Variants in MCM6 observed in about 807,000 individuals in gnomAD.
The protein encoded by MCM6 is DNA replication licensing factor MCM6.
MCM6 carries 46 observed loss-of-function variants against 94.3 expected under a neutral mutation model. The ratio of observed to expected loss-of-function variants is 0.49; its 90% CI spans 0.39 to 0.62. The LOEUF is 0.62. Ranked by LOEUF, MCM6 falls within the 20% of genes least tolerant of loss-of-function variation. The probability of loss-of-function intolerance (pLI) is 0.00; values close to 1 mark genes in which losing one functional copy is unlikely to be tolerated. For missense variants in MCM6, 865 were observed against 1,017.9 expected (o/e 0.85, Z 2.04); for synonymous variants, 335 against 351.9 (o/e 0.95, Z 0.54).
At chr2:135,850,961 T>C (rs1679770191) in intron 13 of MCM6, among the ~76,000 whole-genome samples, 1 of 152,210 alleles carries the variant, frequency 6.6e-6, no homozygotes, top group African/African-American at 2.4e-5. Flanking sequence ...ACTCCCCTTT[T>C]ACCTCGTTAA....
chr2:135,850,439 G>T (rs888442954), intron 13 of MCM6, among the ~76,000 whole-genome samples: 1 of 151,970 alleles, frequency 6.6e-6, no homozygotes, highest in Non-Finnish European at 1.5e-5. Flanking sequence ...TACATGTCTC[G>T]TTCCCACCAG....
intron 8 of MCM6, among the ~76,000 whole-genome samples, chr2:135,861,040 G>T (rs1052712643): frequency 1.3e-5 from 2 of 151,894 alleles, no homozygotes; most frequent in Non-Finnish European, 2.9e-5. Flanking sequence ...TCTTTTTGAG[G>T]GGGGAGAAAG....
intron 16 of MCM6, among the ~76,000 whole-genome samples, chr2:135,843,688 C>T (rs1679619014): frequency 6.8e-6 from 1 of 147,996 alleles, no homozygotes; most frequent in Admixed American, 6.8e-5. Context: ...GTGAGCTATG[C>T]CACTGCACTC....
chr2:135,861,387 C>A (rs946984104), intron 8 of MCM6, among the ~76,000 whole-genome samples: 1 of 152,028 alleles, frequency 6.6e-6, no homozygotes, highest in Non-Finnish European at 1.5e-5. Flanking sequence ...AATACACATG[C>A]CTGTCTGGGT....
In MCM6 at chr2:135,868,684, C is replaced by T. The variant is rs777694769; in HGVS notation, c.542G>A (p.Arg181Gln). The T allele has an allele frequency of 9.3e-6, 15 of 1,614,112 alleles. 1 individual carries two copies. Among genetic ancestry groups the T allele is most frequent in the South Asian group, 3.3e-5 (3 of 91,078 alleles). The change falls in exon 4 of 17, where the codon CGA (arginine) becomes CAA (glutamine). Residue 181 changes from arginine (R) to glutamine (Q), a missense_variant. Physicochemically the swap from Arg to Gln is conservative, Grantham distance 43. Transcript: ENST00000264156. ...QFKYTQPNIC[R>Q]NPVCANRRRF... ...CCTCCTGTTGGCACAAACTGGATTT[C>T]GGCAGATGTTTGGCTGTGTGTATTT...
At chr2:135,852,715 T>C (rs1473706881) in intron 12 of MCM6, 72 bp downstream of exon 12, 4 of 1,098,424 alleles carry the variant, frequency 3.6e-6, no homozygotes, top group African/African-American at 1.6e-5. Flanking sequence ...TTAATTTCCA[T>C]ATAACACACT....
intron 15 of MCM6, 127 bp from the exon 16 acceptor site, chr2:135,844,811 T>C (rs866569036): frequency 2.1e-6 from 2 of 951,336 alleles, no homozygotes; most frequent in Non-Finnish European, 2.9e-6. Context: ...CGAAAGTACA[T>C]CTGGTGACGT....
Position 135,876,359 on chromosome 2 carries a change from G to C in MCM6, c.7C>G (p.Leu3Val), listed in dbSNP as rs769922920. The C allele has an allele frequency of 1.2e-6, 2 of 1,605,974 alleles. No homozygotes were observed. Among genetic ancestry groups the C allele is most frequent in the Admixed American group, 1.7e-5 (1 of 59,466 alleles). Reference protein sequence around the residue: MDLAAAAEPGAGS... With the variant: MDVAAAAEPGAGS... Reference sequence around the variant, plus strand: ...GCGCCCGGCTCCGCTGCCGCCGCGAGGTCCATATTTGCTTAGTGCCGAGGA... The same window carrying C: ...GCGCCCGGCTCCGCTGCCGCCGCGACGTCCATATTTGCTTAGTGCCGAGGA... Residue 3 changes from leucine to valine, a missense_variant, in exon 1 of 17, where the codon CTC (leucine) becomes GTC (valine). Physicochemically the swap from Leu to Val is conservative, Grantham distance 32 (BLOSUM62 1). Transcript: ENST00000264156.
At chr2:135,856,178 C>T (rs1457044946) in intron 11 of MCM6, among the ~76,000 whole-genome samples, 1 of 152,058 alleles carries the variant, frequency 6.6e-6, no homozygotes, top group Non-Finnish European at 1.5e-5. Context: ...CAGTGGCTCA[C>T]ACCTATAGTC....
chr2:135,844,626 G>T lies in MCM6; in HGVS notation c.2268C>A (p.Ile756=). The T allele has an allele frequency of 6.3e-7, 1 of 1,585,686 alleles. No homozygotes were observed. Among genetic ancestry groups the T allele is most frequent in the Non-Finnish European group, 8.6e-7 (1 of 1,168,194 alleles). ...SELVNWYLKE[I]ESEIDSEEEL... ...CTTCTTCAGAGTCTATCTCTGATTC[G>T]ATTTCCTTCAAGTACCAGTTAACAA... is the stretch of plus-strand genomic sequence containing the variant. The change falls in exon 16 of 17, where the codon ATC becomes ATA. Residue 756 remains isoleucine, a synonymous_variant. Transcript: ENST00000264156.
At position 135,876,285 on chromosome 2, in the gene MCM6, C is replaced by T. The variant is rs1680296111; in HGVS notation, c.81G>A (p.Gln27=). 1 of 1,611,018 alleles carries T rather than the reference C, an allele frequency of 6.2e-7. No individual in the cohort carries two copies. The highest frequency in any genetic ancestry group is 8.5e-7 in the Non-Finnish European group (1 of 1,179,448). ...EVRDEVAEKC[Q]KLFLDFLEEF... is the part of the protein sequence containing the mutation. ...CCTCCAAGAAGTCCAGGAACAGTTT[C>T]TGGCACTTCTCGGCCACCTCGTCGC... is the stretch of plus-strand genomic sequence containing the variant. Residue 27 remains glutamine (Q), a synonymous_variant, in exon 1 of 17, where the codon CAG becomes CAA. Transcript: ENST00000264156.
chr2:135,841,075 A>C, intron 16 of MCM6, 124 bp from the exon 17 acceptor site: 1 of 702,858 alleles, frequency 1.4e-6, no homozygotes, highest in Non-Finnish European at 2.5e-6. Context: ...CCAACTAGAA[A>C]CTCCTAGGAA....
chr2:135,867,286 T>C (rs959844436), intron 4 of MCM6, among the ~76,000 whole-genome samples: 3 of 152,194 alleles, frequency 2.0e-5, no homozygotes, highest in African/African-American at 7.2e-5. Context: ...TTAAACAATA[T>C]TTAATTTCAT....
At chr2:135,861,529 A>G (rs1679992447) in intron 8 of MCM6, among the ~76,000 whole-genome samples, 1 of 152,250 alleles carries the variant, frequency 6.6e-6, no homozygotes, top group Non-Finnish European at 1.5e-5. Context: ...ATAGCTTCTA[A>G]AAACAGTCAA....
intron 13 of MCM6, among the ~76,000 whole-genome samples, chr2:135,849,342 G>A (rs1277108971): frequency 2.0e-5 from 3 of 152,160 alleles, no homozygotes; most frequent in Non-Finnish European, 2.9e-5. Context: ...ACTTGACAAG[G>A]TGAGTCCCTT....
chr2:135,849,621 A>G (rs1284425345), intron 13 of MCM6, among the ~76,000 whole-genome samples: 2 of 152,208 alleles, frequency 1.3e-5, no homozygotes, highest in African/African-American at 4.8e-5. Flanking sequence ...TTAAACTACA[A>G]AGCCCCATAG....
At chr2:135,858,660 T>C (rs1383734081) in intron 9 of MCM6, among the ~76,000 whole-genome samples, 2 of 152,158 alleles carry the variant, frequency 1.3e-5, no homozygotes, top group African/African-American at 2.4e-5. Context: ...AACCACACAA[T>C]TGACTTAAAA....
chr2:135,861,800 T>A (rs2105585581), intron 8 of MCM6, among the ~76,000 whole-genome samples: 1 of 152,260 alleles, frequency 6.6e-6, no homozygotes, highest in African/African-American at 2.4e-5. Context: ...GTATTTTTAG[T>A]AGAGACGGGG....
At position 135,870,925 on chromosome 2, in the gene MCM6, G is replaced by T. The variant is rs1028652380; in HGVS notation, c.255-564C>A. Among the ~76,000 whole-genome samples the T allele has an allele frequency of 9.9e-5, 15 of 151,892 alleles. No individual in the cohort carries two copies. The East Asian group carries it at 1.6e-3, about 16-fold the overall frequency. ...ACCATGCCCAGCTAATTTTTGTGGG[G>T]TTTTTTTTGTAGAAATGGGATTTCA... On this transcript the variant is annotated intron_variant, in intron 2 of 16. Transcript: ENST00000264156.
Sources: gnomAD v4.1 joint callset for allele counts (sites outside exome capture counted in the v4.1 genomes callset) on GRCh38, gnomAD v4.1.1 for gene constraint, MANE v1.5 for transcripts, NCBI Gene and HGNC (gene_info 2026-07-23, HGNC 2026-07-21) for gene names.